SYNE1: variants seen among roughly 807,000 people sequenced by gnomAD.
SYNE1 encodes the protein spectrin repeat containing nuclear envelope protein 1, also known as nesprin-1.
SYNE1 carries 616 observed loss-of-function variants against 1,111.0 expected under a neutral mutation model. The ratio of observed to expected loss-of-function variants is 0.55; its 90% CI spans 0.52 to 0.59. The LOEUF is 0.59. Ranked by LOEUF, SYNE1 falls within the 20% of genes least tolerant of loss-of-function variation. SYNE1 has a pLI of 0.00. For missense variants in SYNE1, 10,006 were observed against 10,417.0 expected (o/e 0.96, Z 1.72); for synonymous variants, 3,855 against 3,825.8 (o/e 1.01, Z -0.28).
intron 123 of SYNE1, among the ~76,000 whole-genome samples, chr6:152,212,177 G>A (rs1008648936): frequency 7.9e-5 from 12 of 151,996 alleles, no homozygotes; most frequent in Non-Finnish European, 1.6e-4. Flanking sequence ...TCAATTTAGT[G>A]GTGTTTATTA....
intron 3 of SYNE1, among the ~76,000 whole-genome samples, chr6:152,571,550 T>A (rs988186123): frequency 6.6e-6 from 1 of 152,166 alleles, no homozygotes; most frequent in Non-Finnish European, 1.5e-5. Context: ...TTAATTTCTA[T>A]ATGTGTATAC....
chr6:152,154,779 C>T (rs1180191569), intron 133 of SYNE1, 113 bp downstream of exon 133: 19 of 1,221,956 alleles, frequency 1.6e-5, no homozygotes, highest in Non-Finnish European at 2.2e-5. Context: ...CCTCACGCAG[C>T]AATTTGAGCA....
At chr6:152,435,642 T>C (rs1206718233) in intron 33 of SYNE1, 1 of 425,224 alleles carries the variant, frequency 2.4e-6, no homozygotes, top group Admixed American at 3.9e-5. Context: ...TATTAGTTCT[T>C]TTTCAAGATT....
chr6:152,521,519 C>G (rs1385751876), intron 5 of SYNE1, among the ~76,000 whole-genome samples: 1 of 152,160 alleles, frequency 6.6e-6, no homozygotes, highest in African/African-American at 2.4e-5. Context: ...TTGATTTTGA[C>G]AGATACCTTA....
At chr6:152,517,888 G>C (rs931108307) in intron 6 of SYNE1, among the ~76,000 whole-genome samples, 3 of 152,084 alleles carry the variant, frequency 2.0e-5, no homozygotes, top group Admixed American at 6.6e-5. Context: ...TGGAGTAGTA[G>C]GGATGAGAAA....
At position 152,268,181 on chromosome 6, in the gene SYNE1, G is replaced by C; in HGVS notation, c.18706-16C>G. On this transcript the variant is annotated splice_polypyrimidine_tract_variant and intron_variant, in intron 99 of 145. Coordinates refer to ENST00000367255, the MANE Select transcript of SYNE1 (RefSeq NM_182961.4). ...GTTCTAACTCCTGCTCAAGGGAAAG[G>C]ACAAACGCAAACACATTTGCTACTT... 6.3e-7 allele frequency: 1 copy of C among 1,596,698 alleles called. No individual in the cohort carries two copies. The highest frequency in any genetic ancestry group is 8.6e-7 in the Non-Finnish European group (1 of 1,164,126).
In SYNE1 at chr6:152,536,337, A is replaced by ATG; in HGVS notation, c.129+3622_129+3623insCA. Among the ~76,000 whole-genome samples, 5 of 139,710 alleles carry ATG rather than the reference A, an allele frequency of 3.6e-5. No homozygotes were observed. The East Asian group carries it at 1.0e-3, about 28-fold the overall frequency. 91.7% of individuals were successfully genotyped at this position (139,710 alleles called of 152,430 possible). A position where few individuals can be genotyped will look rare whatever the true frequency, so the allele number is the denominator to read the frequency against. On this transcript the variant is annotated intron_variant, in intron 4 of 145. Coordinates refer to ENST00000367255, the MANE Select transcript of SYNE1 (RefSeq NM_182961.4). Reference sequence around the variant, plus strand: ...TGCGCCAATATATATAGTAATATATATATATAACTATATATATAGTATACT... The same window carrying ATG: ...TGCGCCAATATATATAGTAATATATATGTATATAACTATATATATAGTATACT...
At chr6:152,527,345 A>G (rs1194415068) in intron 4 of SYNE1, among the ~76,000 whole-genome samples, 5 of 152,312 alleles carry the variant, frequency 3.3e-5, no homozygotes, top group African/African-American at 1.2e-4. Flanking sequence ...TGAATAGCTG[A>G]ATACATTTTG....
rs1047010077 is a variant in SYNE1, at chr6:152,300,704, A to G, written c.17619T>C (p.Ile5873=). 1 of 1,614,060 alleles carries G rather than the reference A, an allele frequency of 6.2e-7. No individual in the cohort carries two copies. The highest frequency in any genetic ancestry group is 8.5e-7 in the Non-Finnish European group (1 of 1,180,040). ...ESGEEGTNSE[I]SSPPACRSPS... ...GGGAGCGACAGGCAGGTGGAGAGGA[A>G]ATCTCACTGTTGGTTCCCTCCTCCC... The change falls in exon 93 of 146, where the codon ATT becomes ATC. Residue 5873 remains isoleucine (I), a synonymous_variant. Coordinates refer to ENST00000367255, the MANE Select transcript of SYNE1 (RefSeq NM_182961.4).
At chr6:152,122,775 A>T (rs920127898) in intron 145 of SYNE1, 99 bp from the exon 146 acceptor site, 2 of 1,578,786 alleles carry the variant, frequency 1.3e-6, no homozygotes, top group African/African-American at 2.7e-5. Context: ...GGGCCATGCC[A>T]AGCACACCCC....
intron 82 of SYNE1, among the ~76,000 whole-genome samples, chr6:152,322,645 C>T (rs189183956): frequency 6.6e-5 from 10 of 152,194 alleles, no homozygotes; most frequent in African/African-American, 2.4e-4. Flanking sequence ...TTCTTAATAG[C>T]TCTCAATGGT....
Position 152,245,863 on chromosome 6 carries a change from G to T in SYNE1, c.19573-1207C>A, listed in dbSNP as rs192403019. Among the ~76,000 whole-genome samples the T allele has an allele frequency of 4.5e-3, 691 of 152,264 alleles. 7 individuals are homozygous for T. The highest frequency in any genetic ancestry group is 7.4e-3 in the Non-Finnish European group (505 of 68,008). ...TTTCTTCCCGGGTAAAAGACTGAAA[G>T]TGTGTTCTCTGGAGAAGGTAAAACA... On this transcript the variant is annotated intron_variant, in intron 105 of 145. Coordinates refer to ENST00000367255, the MANE Select transcript of SYNE1 (RefSeq NM_182961.4).
In SYNE1 at chr6:152,277,895, C is replaced by T. The variant is rs7765088; in HGVS notation, c.18573+194G>A. The T allele has an allele frequency of 0.012, 8,530 of 699,548 alleles. 524 individuals are homozygous for T. The African/African-American group carries it at 0.13, about 10-fold the overall frequency. 43.3% of individuals were successfully genotyped at this position (699,548 alleles called of 1,614,324 possible). ...GAACAGCTGTTGTTAGTAGTCCTAACAAAATCTATTTGCAAATGTTTGCCA... is the reference window on the plus strand; with the variant it reads ...GAACAGCTGTTGTTAGTAGTCCTAATAAAATCTATTTGCAAATGTTTGCCA... On this transcript the variant is annotated intron_variant, in intron 98 of 145. Coordinates refer to ENST00000367255, the MANE Select transcript of SYNE1 (RefSeq NM_182961.4).
chr6:152,461,568 G>T, intron 21 of SYNE1, 29 bp downstream of exon 21: 1 of 1,613,736 alleles, frequency 6.2e-7, no homozygotes, highest in African/African-American at 1.3e-5. Context: ...GTGTCACACA[G>T]CCTATTGTGC....
At chr6:152,613,501 G>A (rs1329021814) in intron 3 of SYNE1, among the ~76,000 whole-genome samples, 1 of 152,066 alleles carries the variant, frequency 6.6e-6, no homozygotes, top group African/African-American at 2.4e-5. Flanking sequence ...TATAAAAGAG[G>A]ACACAAACAA....
At chr6:152,526,606 A>G (rs1053394155) in intron 4 of SYNE1, among the ~76,000 whole-genome samples, 1 of 152,222 alleles carries the variant, frequency 6.6e-6, no homozygotes, top group Admixed American at 6.5e-5. Context: ...CTGGGGCTTA[A>G]CAAGGTGCAG....
intron 3 of SYNE1, among the ~76,000 whole-genome samples, chr6:152,565,624 C>T (rs77481948): frequency 6.6e-6 from 1 of 151,000 alleles, no homozygotes. Context: ...AACTTTACTT[C>T]GCTTTAAAAT....
chr6:152,229,786 C>G (rs1359325), intron 115 of SYNE1, among the ~76,000 whole-genome samples: 97,524 of 152,024 alleles, frequency 0.64, 31,703 homozygotes, highest in East Asian at 0.78. Flanking sequence ...GTAGCATATG[C>G]ATATTGTTTG....
At position 152,180,271 on chromosome 6, in the gene SYNE1, T is replaced by A. The variant is rs1215046416; in HGVS notation, c.23325A>T (p.Ile7775=). 1 of 1,614,124 alleles carries A rather than the reference T, an allele frequency of 6.2e-7. No individual in the cohort carries two copies. The highest frequency in any genetic ancestry group is 1.3e-5 in the African/African-American group (1 of 75,062). Residue 7775 remains isoleucine, a synonymous_variant, in exon 129 of 146, where the codon ATA becomes ATT. Coordinates refer to ENST00000367255, the MANE Select transcript of SYNE1 (RefSeq NM_182961.4). ...CTGCCCATTCATTCAATCTTTCACCTATTTGCTGCCGCCTTAAGGAGAGCT... is the reference window on the plus strand; with the variant it reads ...CTGCCCATTCATTCAATCTTTCACCAATTTGCTGCCGCCTTAAGGAGAGCT... ...CHQLSLRRQQ[I]GERLNEWAVF... is the part of the protein sequence containing the mutation.
Sources: allele counts gnomAD v4.1 joint callset (sites outside exome capture counted in the v4.1 genomes callset), GRCh38; gene constraint gnomAD v4.1.1; transcripts MANE v1.5; gene names NCBI Gene and HGNC (gene_info 2026-07-23, HGNC 2026-07-21).